Variants in ABCD3 observed in about 807,000 individuals in gnomAD.
ABCD3 encodes the protein ATP binding cassette subfamily D member 3.
A neutral mutation model predicts 105.5 loss-of-function variants in ABCD3; 41 were observed. That is an observed-to-expected ratio of 0.39 (90% CI 0.30 to 0.50). The LOEUF is 0.50. ABCD3 is among the 20% of genes least tolerant of loss of function. The pLI is 0.84. For missense variants in ABCD3, 622 were observed against 806.3 expected, an observed-to-expected ratio of 0.77 and a Z score of 2.77; for synonymous variants, 258 against 269.0, an observed-to-expected ratio of 0.96 and a Z score of 0.40.
chr1:94,485,970 T>A (rs1649258028), intron 10 of ABCD3, among the ~76,000 whole-genome samples: 1 of 152,128 alleles, frequency 6.6e-6, no homozygotes, highest in Non-Finnish European at 1.5e-5. Flanking sequence ...GGCGGGCAGA[T>A]CAGTTGAGGT....
At chr1:94,504,544 T>G (rs752146582) in intron 20 of ABCD3, among the ~76,000 whole-genome samples, 4 of 152,090 alleles carry the variant, frequency 2.6e-5, no homozygotes, top group African/African-American at 9.7e-5. Context: ...AAGAATGATG[T>G]GTGTTTAAGG....
rs1651036138 is a variant in ABCD3 at position 94,518,655 on chromosome 1, A to G, written c.*1526A>G. 6.6e-6 allele frequency: 1 copy of G among 151,964 alleles called. No homozygotes were observed. The allele number at this position is 151,964 out of a possible 1,614,324, so 9.4% of individuals were successfully genotyped here. A position where few individuals can be genotyped will look rare whatever the true frequency, so the allele number is the denominator to read the frequency against. On this transcript the variant is annotated 3_prime_UTR_variant, in exon 23 of 23. Coordinates refer to ENST00000370214, the MANE Select transcript of ABCD3 (RefSeq NM_002858.4). ...AAAAACACAAAAATAAATTCAGAAA[A>G]TGCTTTTAGCACAGTGTCTCTTTTT...
chr1:94,481,105 C>T (rs995310033), intron 9 of ABCD3, among the ~76,000 whole-genome samples: 4 of 152,158 alleles, frequency 2.6e-5, no homozygotes, highest in Admixed American at 2.0e-4. Context: ...TTATCAGTTG[C>T]ATGTATTTGA....
intron 9 of ABCD3, among the ~76,000 whole-genome samples, chr1:94,481,039 G>A (rs1171562350): frequency 6.6e-6 from 1 of 152,200 alleles, no homozygotes; most frequent in African/African-American, 2.4e-5. Context: ...AAGATAGGAA[G>A]AAAAAGTGTG....
intron 2 of ABCD3, among the ~76,000 whole-genome samples, chr1:94,461,564 A>G (rs190362783): frequency 1.3e-5 from 2 of 152,184 alleles, no homozygotes; most frequent in Admixed American, 6.6e-5. Context: ...GTATCATTCT[A>G]ATTTTTTCCA....
the ABCD3 span, among the ~76,000 whole-genome samples, chr1:94,397,056 A>G: frequency 2.0e-5 from 3 of 152,210 alleles, no homozygotes; most frequent in Non-Finnish European, 2.9e-5. Context: ...GCTCTTGATT[A>G]GACACTTTTT....
chr1:94,508,689 C>T (rs894985171), intron 21 of ABCD3, among the ~76,000 whole-genome samples: 34 of 150,790 alleles, frequency 2.3e-4, no homozygotes, highest in African/African-American at 7.0e-4. Flanking sequence ...TTGTAGTTCT[C>T]CTTGAAGAGG....
chr1:94,465,156 A>G (rs1648077908), intron 3 of ABCD3, among the ~76,000 whole-genome samples: 1 of 152,132 alleles, frequency 6.6e-6, no homozygotes, highest in African/African-American at 2.4e-5. Context: ...GAACTCACTC[A>G]CTGTCTGGAG....
chr1:94,398,687 G>A, the ABCD3 span, among the ~76,000 whole-genome samples: 1 of 152,200 alleles, frequency 6.6e-6, no homozygotes, highest in Non-Finnish European at 1.5e-5. Context: ...GCCAAGGCGG[G>A]CAAATCATGA....
intron 4 of ABCD3, among the ~76,000 whole-genome samples, chr1:94,472,741 C>G (rs1382259737): frequency 6.6e-6 from 1 of 152,158 alleles, no homozygotes; most frequent in Non-Finnish European, 1.5e-5. Context: ...AATTATTTCT[C>G]TAGTCATATA....
chr1:94,478,520 T>C, intron 8 of ABCD3: 1 of 1,582,578 alleles, frequency 6.3e-7, no homozygotes. Flanking sequence ...TTTCCTTAAA[T>C]TAGGTACTTG....
chr1:94,443,089 G>A (rs1207515184), intron 1 of ABCD3, among the ~76,000 whole-genome samples: 2 of 152,106 alleles, frequency 1.3e-5, no homozygotes, highest in East Asian at 1.9e-4. Flanking sequence ...ACCACAGTGT[G>A]TAAGCATTCC....
At chr1:94,465,138 A>G (rs1648076673) in intron 3 of ABCD3, among the ~76,000 whole-genome samples, 1 of 152,076 alleles carries the variant, frequency 6.6e-6, no homozygotes, top group Non-Finnish European at 1.5e-5. Context: ...AAACAACCAG[A>G]TACATGAGAA....
intron 3 of ABCD3, among the ~76,000 whole-genome samples, chr1:94,466,148 G>T (rs1297306721): frequency 6.6e-6 from 1 of 152,150 alleles, no homozygotes; most frequent in Non-Finnish European, 1.5e-5. Flanking sequence ...AATGCAGCTA[G>T]ATTTATTTTT....
At chr1:94,421,595 A>G (rs547280662) in intron 1 of ABCD3, among the ~76,000 whole-genome samples, 1 of 108,778 alleles carries the variant, frequency 9.2e-6, no homozygotes, top group Non-Finnish European at 2.3e-5. Context: ...TGTGTGTATT[A>G]CAAAAATATA....
chr1:94,480,407 G>T, intron 8 of ABCD3, 57 bp from the exon 9 acceptor site: 1 of 1,600,498 alleles, frequency 6.2e-7, no homozygotes, highest in Non-Finnish European at 8.6e-7. Context: ...TTGTATCTAA[G>T]TGAATTTATT....
At chr1:94,426,504 A>G (rs1659473267) in intron 1 of ABCD3, among the ~76,000 whole-genome samples, 1 of 151,884 alleles carries the variant, frequency 6.6e-6, no homozygotes, top group Non-Finnish European at 1.5e-5. Context: ...TAGCTTTCAC[A>G]ATGGTTTTCC....
At chr1:94,429,980 G>A (rs1557659454) in intron 1 of ABCD3, among the ~76,000 whole-genome samples, 1 of 152,232 alleles carries the variant, frequency 6.6e-6, no homozygotes, top group Non-Finnish European at 1.5e-5. Flanking sequence ...CAGGAGGGAG[G>A]CTGTACCCTG....
chr1:94,442,317 GA>G (rs1371037225), intron 1 of ABCD3, among the ~76,000 whole-genome samples: 1 of 152,118 alleles, frequency 6.6e-6, no homozygotes. Context: ...TTTTCTAAAG[GA>G]CTTCCATATT....
Sources: gnomAD v4.1 joint callset for allele counts (sites outside exome capture counted in the v4.1 genomes callset) on GRCh38, gnomAD v4.1.1 for gene constraint, MANE v1.5 for transcripts, NCBI Gene and HGNC (gene_info 2026-07-23, HGNC 2026-07-21) for gene names.